Variants in IL1RAPL2 observed in about 807,000 individuals in gnomAD.
IL1RAPL2 encodes the protein X-linked interleukin-1 receptor accessory protein-like 2.
In IL1RAPL2, 3 loss-of-function variants were observed where a neutral mutation model predicts 44.1. That is an observed-to-expected ratio of 0.07 (90% CI 0.03 to 0.18). The LOEUF is 0.18. Ranked by LOEUF, IL1RAPL2 falls within the 10% of genes least tolerant of loss-of-function variation. The pLI, the probability that IL1RAPL2 is intolerant of heterozygous loss-of-function variation, is 1.00. For synonymous variants in IL1RAPL2, 181 were observed against 178.8 expected (o/e 1.01, Z -0.10); for missense variants, 391 against 496.4 (o/e 0.79, Z 2.02).
intron 2 of IL1RAPL2, among the ~76,000 whole-genome samples, chrX:104,907,053 T>G (rs1490213400): frequency 1.8e-5 from 2 of 111,007 alleles, no homozygotes; most frequent in Admixed American, 9.6e-5. Flanking sequence ...GTTGAGGAAT[T>G]TATCCATTTC....
intron 2 of IL1RAPL2, among the ~76,000 whole-genome samples, chrX:104,758,088 A>G (rs779458741): frequency 6.3e-5 from 7 of 111,970 alleles, no homozygotes; most frequent in Non-Finnish European, 1.1e-4. Context: ...CAACAGGACT[A>G]CATCCAGCCA....
intron 6 of IL1RAPL2, among the ~76,000 whole-genome samples, chrX:105,541,779 T>G (rs73529031): frequency 0.033 from 3,688 of 110,781 alleles, 162 homozygotes; most frequent in African/African-American, 0.11. Context: ...CTACACCAGC[T>G]TAATCTTTCT....
intron 6 of IL1RAPL2, among the ~76,000 whole-genome samples, chrX:105,521,531 G>A (rs1424818432): frequency 1.8e-5 from 2 of 111,553 alleles, no homozygotes; most frequent in African/African-American, 3.3e-5. Flanking sequence ...GATTGATATG[G>A]TTTGGCTCTG....
At chrX:105,180,344 C>CAAAAA (rs1447517527) in intron 2 of IL1RAPL2, among the ~76,000 whole-genome samples, 6 of 100,818 alleles carry the variant, frequency 6.0e-5, no homozygotes, top group African/African-American at 2.4e-4. Context: ...TCTCAAAAAA[C>CAAAAA]AAAAACAAAA....
intron 2 of IL1RAPL2, among the ~76,000 whole-genome samples, chrX:104,758,255 C>G (rs897314603): frequency 1.8e-5 from 2 of 112,026 alleles, no homozygotes; most frequent in African/African-American, 6.5e-5. Context: ...AGGGTATCTG[C>G]TAGTTCAGCA....
chrX:105,381,813 C>T (rs1249560998), intron 5 of IL1RAPL2, among the ~76,000 whole-genome samples: 5 of 110,348 alleles, frequency 4.5e-5, no homozygotes, highest in South Asian at 3.8e-4. Flanking sequence ...CTATAGTTAC[C>T]GCATATCTAC....
chrX:104,775,384 T>C (rs753846240), intron 2 of IL1RAPL2, among the ~76,000 whole-genome samples: 2 of 111,889 alleles, frequency 1.8e-5, no homozygotes, highest in Non-Finnish European at 3.8e-5. Flanking sequence ...AACATAAAAA[T>C]AGTAATAGGG....
intron 2 of IL1RAPL2, among the ~76,000 whole-genome samples, chrX:105,149,884 T>C (rs1375223230): frequency 9.0e-6 from 1 of 110,770 alleles, no homozygotes; most frequent in African/African-American, 3.3e-5. Context: ...TGTGTTTACA[T>C]AATTATTTTA....
At chrX:104,904,912 C>G (rs1020814369) in intron 2 of IL1RAPL2, among the ~76,000 whole-genome samples, 1 of 111,224 alleles carries the variant, frequency 9.0e-6, no homozygotes, top group African/African-American at 3.3e-5. Context: ...AGTTTACACT[C>G]CCACCAACAG....
chrX:104,610,020 T>C (rs1602642332), intron 1 of IL1RAPL2, among the ~76,000 whole-genome samples: 1 of 112,302 alleles, frequency 8.9e-6, no homozygotes, highest in South Asian at 3.7e-4. Context: ...GTTGGTGACC[T>C]ACGGATGGAG....
intron 5 of IL1RAPL2, among the ~76,000 whole-genome samples, chrX:105,481,781 G>A (rs1338230043): frequency 8.9e-6 from 1 of 111,903 alleles, no homozygotes; most frequent in Non-Finnish European, 1.9e-5. Context: ...AAAATGGCTG[G>A]ATTTAATTTT....
At chrX:104,853,764 G>A (rs1254057083) in intron 2 of IL1RAPL2, among the ~76,000 whole-genome samples, 1 of 108,256 alleles carries the variant, frequency 9.2e-6, no homozygotes, top group African/African-American at 3.4e-5. Context: ...TTAGCCAGGC[G>A]TGGTAGCGGG....
intron 2 of IL1RAPL2, among the ~76,000 whole-genome samples, chrX:104,662,895 T>G (rs1296698977): frequency 9.0e-6 from 1 of 111,511 alleles, no homozygotes; most frequent in African/African-American, 3.3e-5. Flanking sequence ...CAACCCAAAT[T>G]GGGTCATCTT....
At chrX:104,968,675 A>G (rs1773531535) in intron 2 of IL1RAPL2, among the ~76,000 whole-genome samples, 1 of 111,790 alleles carries the variant, frequency 8.9e-6, no homozygotes, top group African/African-American at 3.2e-5. Context: ...TGATAGTTTA[A>G]CAAAAATTAA....
intron 2 of IL1RAPL2, among the ~76,000 whole-genome samples, chrX:105,111,708 C>G (rs2032803281): frequency 9.0e-6 from 1 of 111,595 alleles, no homozygotes; most frequent in South Asian, 3.7e-4. Flanking sequence ...AATGAGTACC[C>G]TGGCGATGAC....
intron 6 of IL1RAPL2, among the ~76,000 whole-genome samples, chrX:105,489,775 T>TTCTTTCTC (rs10643837): frequency 3.0e-5 from 2 of 65,845 alleles, no homozygotes; most frequent in Non-Finnish European, 5.9e-5. Context: ...TTTCTTTCTT[T>TTCTTTCTC]TCTTTCTCTC....
chrX:105,463,029 G>C, intron 5 of IL1RAPL2, among the ~76,000 whole-genome samples: 1 of 111,589 alleles, frequency 9.0e-6, no homozygotes, highest in South Asian at 3.7e-4. Context: ...CTACTTACCT[G>C]AATGATTAAT....
At chrX:104,751,865 A>G (rs754016964) in intron 2 of IL1RAPL2, among the ~76,000 whole-genome samples, 6 of 111,316 alleles carry the variant, frequency 5.4e-5, no homozygotes, top group Non-Finnish European at 9.5e-5. Flanking sequence ...TCTGGAAAAT[A>G]TGAGAAGTAA....
intron 2 of IL1RAPL2, among the ~76,000 whole-genome samples, chrX:104,719,505 C>T (rs1931638109): frequency 1.8e-5 from 2 of 111,555 alleles, no homozygotes. Context: ...TGTGCTTTCT[C>T]TGTTTTATGT....
Sources: gnomAD v4.1 joint callset for allele counts (sites outside exome capture counted in the v4.1 genomes callset) on GRCh38, gnomAD v4.1.1 for gene constraint, MANE v1.5 for transcripts, NCBI Gene and HGNC (gene_info 2026-07-23, HGNC 2026-07-21) for gene names.